The following RAB10 variants were observed in gnomAD, a reference collection of about 807,000 sequenced individuals.
The protein encoded by RAB10 is RAB10, member RAS oncogene family, also known as ras-related protein Rab-10.
In RAB10, 5 loss-of-function variants were observed where a neutral mutation model predicts 25.7. The ratio of observed to expected loss-of-function variants is 0.19; its 90% CI spans 0.10 to 0.41. The LOEUF is 0.41. Ranked by LOEUF, RAB10 falls within the 10% of genes least tolerant of loss-of-function variation. RAB10 has a pLI of 1.00. For synonymous variants in RAB10, 89 were observed against 86.4 expected (o/e 1.03, Z -0.16); for missense variants, 103 against 245.8 (o/e 0.42, Z 3.89).
upstream of RAB10, among the ~76,000 whole-genome samples, chr2:26,033,806 G>A (rs566898086): frequency 6.4e-4 from 98 of 152,246 alleles, no homozygotes; most frequent in African/African-American, 2.2e-3. Flanking sequence ...GGGGTCGGAG[G>A]GGGGGCGCTG....
intron 1 of RAB10, among the ~76,000 whole-genome samples, chr2:26,058,855 T>C (rs1666326272): frequency 6.6e-6 from 1 of 152,182 alleles, no homozygotes; most frequent in African/African-American, 2.4e-5. Context: ...AGTTCAGATC[T>C]ACCATTCTGC....
In RAB10 at chr2:26,034,313, G is replaced by A; in HGVS notation, c.-296G>A. ...GCTTGCTCGCCCGTGGGAGCGTCCCGGCCGAGAAGCCCTGAGGGGGGAGGG... is the reference window on the plus strand; with the variant it reads ...GCTTGCTCGCCCGTGGGAGCGTCCCAGCCGAGAAGCCCTGAGGGGGGAGGG... On this transcript the variant is annotated 5_prime_UTR_variant, in exon 1 of 6. Transcript: ENST00000264710. 1.8e-6 allele frequency: 1 copy of A among 547,958 alleles called. No homozygotes were observed. The highest frequency in any genetic ancestry group is 3.3e-6 in the Non-Finnish European group (1 of 307,070). The allele number at this position is 547,958 out of a possible 1,614,324, so 33.9% of individuals were successfully genotyped here. A position where few individuals can be genotyped will look rare whatever the true frequency, so the allele number is the denominator to read the frequency against.
chr2:26,116,807 C>T (rs931661041), intron 3 of RAB10, among the ~76,000 whole-genome samples: 15 of 151,526 alleles, frequency 9.9e-5, no homozygotes, highest in African/African-American at 1.9e-4. Context: ...CTGCCCACCT[C>T]GGCCTCCCAA....
intron 1 of RAB10, among the ~76,000 whole-genome samples, chr2:26,080,547 A>G (rs755497765): frequency 2.6e-5 from 4 of 152,110 alleles, no homozygotes; most frequent in Non-Finnish European, 5.9e-5. Context: ...TTATTCATCA[A>G]ATGTACACAG....
At chr2:26,105,211 C>A (rs111286558) in intron 2 of RAB10, among the ~76,000 whole-genome samples, 2,293 of 152,240 alleles carry the variant, frequency 0.015, 42 homozygotes, top group African/African-American at 0.04. Flanking sequence ...TAAAGAAGAT[C>A]ACTCTGGCTG....
chr2:26,106,394 A>G (rs890285994), intron 2 of RAB10, among the ~76,000 whole-genome samples: 1 of 152,210 alleles, frequency 6.6e-6, no homozygotes, highest in African/African-American at 2.4e-5. Flanking sequence ...CTAGACACAT[A>G]GGAGATTGCA....
intron 1 of RAB10, among the ~76,000 whole-genome samples, chr2:26,066,503 T>C (rs1004290344): frequency 6.6e-6 from 1 of 152,038 alleles, no homozygotes; most frequent in African/African-American, 2.4e-5. Context: ...AGAAAAGAGG[T>C]TTGATTGACT....
At chr2:26,050,229 C>T (rs1460648440) in intron 1 of RAB10, among the ~76,000 whole-genome samples, 1 of 152,180 alleles carries the variant, frequency 6.6e-6, no homozygotes, top group Non-Finnish European at 1.5e-5. Flanking sequence ...TCCCTTTTCA[C>T]TCAGTTGAGT....
intron 1 of RAB10, among the ~76,000 whole-genome samples, chr2:26,088,138 TTTGG>T (rs954959027): frequency 1.1e-4 from 16 of 152,176 alleles, no homozygotes; most frequent in Non-Finnish European, 1.8e-4. Flanking sequence ...GGTTTGGTTA[TTTGG>T]TTGGTTGGTT....
chr2:26,050,456 T>C (rs1009072962), intron 1 of RAB10, among the ~76,000 whole-genome samples: 2 of 152,170 alleles, frequency 1.3e-5, no homozygotes, highest in African/African-American at 2.4e-5. Flanking sequence ...TTACGTACCT[T>C]GGTAGGTGGG....
At chr2:26,125,822 T>C (rs994294190) in intron 3 of RAB10, among the ~76,000 whole-genome samples, 1 of 152,152 alleles carries the variant, frequency 6.6e-6, no homozygotes, top group African/African-American at 2.4e-5. Flanking sequence ...TTGTGGGTAG[T>C]CTTTTCATTC....
intron 3 of RAB10, among the ~76,000 whole-genome samples, chr2:26,113,166 T>C (rs991073050): frequency 6.6e-6 from 1 of 152,170 alleles, no homozygotes; most frequent in African/African-American, 2.4e-5. Flanking sequence ...TACCCAGGAA[T>C]GCAAGGGTCA....
intron 1 of RAB10, among the ~76,000 whole-genome samples, chr2:26,044,423 G>A (rs184559781): frequency 1.3e-5 from 2 of 152,248 alleles, no homozygotes; most frequent in Non-Finnish European, 2.9e-5. Context: ...AGACCTTCTT[G>A]GAATGTTAGA....
chr2:26,100,316 A>ATC (rs1667316216), intron 2 of RAB10, among the ~76,000 whole-genome samples: 1 of 152,096 alleles, frequency 6.6e-6, no homozygotes, highest in African/African-American at 2.4e-5. Context: ...TTTCAAAACT[A>ATC]CTCTCTTATC....
chr2:26,134,904 T>C (rs767971957), intron 5 of RAB10, 34 bp from the exon 6 acceptor site: 4 of 1,539,354 alleles, frequency 2.6e-6, no homozygotes, highest in Non-Finnish European at 3.6e-6. Context: ...GCAGTGTTTT[T>C]TCATGAGTTA....
At chr2:26,053,977 C>T (rs1367312381) in intron 1 of RAB10, among the ~76,000 whole-genome samples, 1 of 150,132 alleles carries the variant, frequency 6.7e-6, no homozygotes, top group East Asian at 2.0e-4. Flanking sequence ...GCTGGGATTA[C>T]AGGTGTGAGC....
chr2:26,037,703 G>T (rs573132919), intron 1 of RAB10, among the ~76,000 whole-genome samples: 15 of 152,106 alleles, frequency 9.9e-5, no homozygotes, highest in Admixed American at 7.9e-4. Flanking sequence ...GATTTTAGGG[G>T]TTAGTGAGAG....
At position 26,048,215 on chromosome 2, in the gene RAB10, A is replaced by T. The variant is rs1274759010; in HGVS notation, c.127+13480A>T. 4.3e-4 allele frequency among the ~76,000 whole-genome samples: 65 copies of T among 152,222 alleles called. 2 individuals carry two copies. The South Asian group carries it at 0.013, about 30-fold the overall frequency. On this transcript the variant is annotated intron_variant, in intron 1 of 5. Transcript: ENST00000264710. ...TGATCATAAATTTTTGTTTCTTTGG[A>T]ATAAACACCCAAAACTGCAATTGTT...
chr2:26,065,639 C>T (rs1490968782), intron 1 of RAB10, among the ~76,000 whole-genome samples: 3 of 152,166 alleles, frequency 2.0e-5, no homozygotes, highest in Non-Finnish European at 4.4e-5. Flanking sequence ...TTGTAGGACA[C>T]TTAAGTTGAT....
Sources: gnomAD v4.1 joint callset for allele counts (sites outside exome capture counted in the v4.1 genomes callset) on GRCh38, gnomAD v4.1.1 for gene constraint, MANE v1.5 for transcripts, NCBI Gene and HGNC (gene_info 2026-07-23, HGNC 2026-07-21) for gene names.